The following ERLIN1 variants were observed in gnomAD, a reference collection of about 807,000 sequenced individuals.
ERLIN1 encodes the protein erlin-1.
ERLIN1 carries 24 observed loss-of-function variants against 46.9 expected under a neutral mutation model. The observed-to-expected ratio is 0.51, with a 90% CI of 0.37 to 0.72. The LOEUF (loss-of-function observed/expected upper bound fraction) is 0.72. Ranked by LOEUF, ERLIN1 falls within the 30% of genes least tolerant of loss-of-function variation. The pLI, the probability that ERLIN1 is intolerant of heterozygous loss-of-function variation, is 0.00. For missense variants in ERLIN1, 293 were observed against 417.9 expected (o/e 0.70, Z 2.61); for synonymous variants, 158 against 143.2 (o/e 1.10, Z -0.74).
chr10:100,176,711 T>C (rs1434640121), intron 4 of ERLIN1, among the ~76,000 whole-genome samples: 2 of 152,202 alleles, frequency 1.3e-5, no homozygotes, highest in Non-Finnish European at 2.9e-5. Flanking sequence ...AAAAGGTACA[T>C]ACTAGACCAC....
At position 100,164,014 on chromosome 10, in the gene ERLIN1, CT is replaced by C; in HGVS notation, c.644del (p.Lys215ArgfsTer4). 2 of 1,609,742 alleles carry C rather than the reference CT, an allele frequency of 1.2e-6. No individual in the cohort carries two copies. Among genetic ancestry groups the C allele is most frequent in the Non-Finnish European group, 1.7e-6 (2 of 1,176,416 alleles). ...VEKEAETERKKAVIEAEKIAQ... is the reference protein window; with the variant it reads ...VEKEAETERKXAVIEAEKIAQ... ...GAGAAATCCAAGTACCTATAACTGC[CT>C]TTTTCCTCTCTGTCTCAGCTTCTTT... On this transcript the variant is annotated frameshift_variant, in exon 8 of 11. Transcript: ENST00000421367. LOFTEE classifies it high-confidence loss of function.
chr10:100,152,344 C>A lies in ERLIN1; in HGVS notation c.834G>T (p.Leu278Phe). 1 of 1,607,768 alleles carries A rather than the reference C, an allele frequency of 6.2e-7. No individual in the cohort carries two copies. Among genetic ancestry groups the A allele is most frequent in the South Asian group, 1.1e-5 (1 of 90,978 alleles). The change falls in exon 11 of 11, where the codon TTG becomes TTT. Residue 278 changes from leucine to phenylalanine, a missense_variant. Transcript: ENST00000421367. Reference protein sequence around the residue: ...HKYATSNKHKLTPEYLELKKY... With the variant: ...HKYATSNKHKFTPEYLELKKY... Reference sequence around the variant, plus strand: ...TTTTGAGCTCCAGATATTCCGGGGTCAACTTGTGCTGTGTGGGAGCAAACA... The same window carrying A: ...TTTTGAGCTCCAGATATTCCGGGGTAAACTTGTGCTGTGTGGGAGCAAACA...
At chr10:100,185,469 TTTTA>T in intron 1 of ERLIN1, 41 bp downstream of exon 1, 1 of 1,459,056 alleles carries the variant, frequency 6.9e-7, no homozygotes, top group South Asian at 1.1e-5. Context: ...TGGAGTACCC[TTTTA>T]ATCTGCTCTA....
intron 6 of ERLIN1, among the ~76,000 whole-genome samples, chr10:100,171,901 T>C (rs1368492117): frequency 6.6e-6 from 1 of 152,220 alleles, no homozygotes; most frequent in Admixed American, 6.5e-5. Context: ...GCTAATTATT[T>C]GGGTACAATC....
In ERLIN1 at chr10:100,165,871, G is replaced by A. The variant is rs182250560; in HGVS notation, c.563+1477C>T. Reference sequence around the variant, plus strand: ...CTCCCCAGTAGCTGGGATTATAGGTGCCTGCCACCATGTCCAGCTAATTTT... The same window carrying A: ...CTCCCCAGTAGCTGGGATTATAGGTACCTGCCACCATGTCCAGCTAATTTT... On this transcript the variant is annotated intron_variant, in intron 7 of 10. Coordinates refer to ENST00000421367, the MANE Select transcript of ERLIN1 (RefSeq NM_006459.4). Among the ~76,000 whole-genome samples the A allele has an allele frequency of 5.5e-4, 84 of 152,174 alleles. 2 individuals are homozygous for A. In the East Asian group the frequency reaches 0.016, roughly 29 times the overall value.
At chr10:100,183,708 G>A in intron 2 of ERLIN1, 48 bp downstream of exon 2, 1 of 1,293,052 alleles carries the variant, frequency 7.7e-7, no homozygotes, top group Non-Finnish European at 1.1e-6. Context: ...GGTAACTCCT[G>A]TCATGCCTGT....
rs768275973 is a variant in ERLIN1, at chr10:100,176,370, G to A, written c.305-300C>T. 3.9e-4 allele frequency among the ~76,000 whole-genome samples: 60 copies of A among 152,286 alleles called. 1 individual carries two copies. Among genetic ancestry groups the A allele is most frequent in the Non-Finnish European group, 6.8e-4 (46 of 68,030 alleles). On this transcript the variant is annotated intron_variant, in intron 4 of 10. Coordinates refer to ENST00000421367, the MANE Select transcript of ERLIN1 (RefSeq NM_006459.4). ...TGGAGGTAATAAGGAACTATCAAAG[G>A]TTTCAAGCAAGGGCATGACAGTCAG... is the stretch of plus-strand genomic sequence containing the variant.
intron 9 of ERLIN1, among the ~76,000 whole-genome samples, chr10:100,155,300 C>T (rs34102046): frequency 6.6e-6 from 1 of 152,036 alleles, no homozygotes; most frequent in Non-Finnish European, 1.5e-5. Flanking sequence ...CAGCCCCCCC[C>T]CAAATTTCAT....
chr10:100,179,243 G>A lies in ERLIN1; in HGVS notation c.200C>T (p.Thr67Ile), dbSNP rs1190639027. The change falls in exon 3 of 11, where the codon ACA (threonine) becomes ATA (isoleucine). Residue 67 changes from threonine to isoleucine, a missense_variant. Physicochemically the swap from Thr to Ile is moderately conservative, Grantham distance 89. This residue lies in a region of ERLIN1 where 148 missense variants were observed against 266.5 expected (regional missense o/e 0.56). Transcript: ENST00000421367. ...ATTTTTAACTTCATCAGTTTGTAGT[G>A]TTGTCTAGGGAGGAAAAGATATCTC... The part of the protein sequence containing the change: ...FITTFRSVQT[T>I]LQTDEVKNVP... 1 of 1,593,230 alleles carries A rather than the reference G, an allele frequency of 6.3e-7. No homozygotes were observed. The highest frequency in any genetic ancestry group is 2.2e-5 in the East Asian group (1 of 44,466).
At chr10:100,174,045 A>G (rs1844154165) in intron 6 of ERLIN1, among the ~76,000 whole-genome samples, 163 bp downstream of exon 6, 1 of 152,206 alleles carries the variant, frequency 6.6e-6, no homozygotes, top group Non-Finnish European at 1.5e-5. Flanking sequence ...GTAAGCTACA[A>G]GAGTATTTTA....
At position 100,176,077 on chromosome 10, in the gene ERLIN1, G is replaced by A. The variant is rs1589548318; in HGVS notation, c.305-7C>T. On this transcript the variant is annotated splice_polypyrimidine_tract_variant and splice_region_variant and intron_variant, in intron 4 of 10. Transcript: ENST00000421367. Reference sequence around the variant, plus strand: ...TTCCTCACGATATCAAACACTGAAGGAGAGGTACAACCCATGTTTGTTTTA... The same window carrying A: ...TTCCTCACGATATCAAACACTGAAGAAGAGGTACAACCCATGTTTGTTTTA... 6.2e-7 allele frequency: 1 copy of A among 1,609,170 alleles called. No homozygotes were observed. Among genetic ancestry groups the A allele is most frequent in the Non-Finnish European group, 8.5e-7 (1 of 1,177,436 alleles).
rs545412474 is a variant in ERLIN1 at position 100,157,248 on chromosome 10, G to A, written c.656-1014C>T. Among the ~76,000 whole-genome samples, 6 of 152,320 alleles carry A rather than the reference G, an allele frequency of 3.9e-5. No homozygotes were observed. In the South Asian group the frequency reaches 1.2e-3, roughly 32 times the overall value. On this transcript the variant is annotated intron_variant, in intron 8 of 10. Coordinates refer to ENST00000421367, the MANE Select transcript of ERLIN1 (RefSeq NM_006459.4). ...TGACAGGATGAAAATGGTATCAGAA[G>A]AGGAGTATTCCAACTGCTGTAGGGA...
chr10:100,168,669 G>A (rs1035235768), intron 6 of ERLIN1, among the ~76,000 whole-genome samples: 23 of 150,510 alleles, frequency 1.5e-4, no homozygotes, highest in African/African-American at 4.2e-4. Context: ...TAAAAGAAGC[G>A]TAAAGTAGGA....
At chr10:100,158,323 A>G (rs1249279429) in intron 8 of ERLIN1, among the ~76,000 whole-genome samples, 1 of 152,248 alleles carries the variant, frequency 6.6e-6, no homozygotes, top group Non-Finnish European at 1.5e-5. Context: ...AAAAGAGAAG[A>G]AAGGCTGATT....
intron 2 of ERLIN1, among the ~76,000 whole-genome samples, chr10:100,182,148 G>T (rs1041245629): frequency 1.3e-5 from 2 of 150,008 alleles, no homozygotes; most frequent in East Asian, 1.9e-4. Flanking sequence ...GGCAGAGACA[G>T]ATCTACCTGG....
chr10:100,163,895 C>T, intron 8 of ERLIN1, 109 bp downstream of exon 8: 1 of 683,730 alleles, frequency 1.5e-6, no homozygotes, highest in South Asian at 1.8e-5. Flanking sequence ...GAATTCCCCA[C>T]TACCTATGAT....
At chr10:100,156,375 G>T in intron 8 of ERLIN1, 141 bp from the exon 9 acceptor site, 1 of 612,360 alleles carries the variant, frequency 1.6e-6, no homozygotes, top group South Asian at 2.0e-5. Context: ...TATCTAGTCA[G>T]ACTGTAAACT....
Position 100,167,481 on chromosome 10 carries a change from C to T in ERLIN1, c.505-75G>A, listed in dbSNP as rs572770110. On this transcript the variant is annotated intron_variant, in intron 6 of 10. Transcript: ENST00000421367. ...CAAATTAAATCTTCTACAGAAAAGC[C>T]CCTCAAATGATACTAATCTAATAAA... 5 of 1,212,704 alleles carry T rather than the reference C, an allele frequency of 4.1e-6. No homozygotes were observed. The African/African-American group carries it at 4.5e-5, about 11-fold the overall frequency. The allele number at this position is 1,212,704 out of a possible 1,614,324, so 75.1% of individuals were successfully genotyped here. A position where few individuals can be genotyped will look rare whatever the true frequency, so the allele number is the denominator to read the frequency against.
rs567042837 is a variant in ERLIN1 at position 100,156,703 on chromosome 10, G to A, written c.656-469C>T. Among the ~76,000 whole-genome samples the A allele has an allele frequency of 5.3e-5, 8 of 152,142 alleles. No individual in the cohort carries two copies. The East Asian group carries it at 1.5e-3, about 29-fold the overall frequency. ...TAATGGATATGACCTAAGAAGACATGCCAGGAAGCACAGAGAAAGACAAGA... is the reference window on the plus strand; with the variant it reads ...TAATGGATATGACCTAAGAAGACATACCAGGAAGCACAGAGAAAGACAAGA... On this transcript the variant is annotated intron_variant, in intron 8 of 10. Transcript: ENST00000421367.
Sources: allele counts gnomAD v4.1 joint callset (sites outside exome capture counted in the v4.1 genomes callset), GRCh38; gene constraint gnomAD v4.1.1; regional missense constraint gnomAD v4.1.1; transcripts MANE v1.5; gene names NCBI Gene and HGNC (gene_info 2026-07-23, HGNC 2026-07-21).